The following VTI1A variants were observed in gnomAD, a reference collection of about 807,000 sequenced individuals.
VTI1A encodes the protein vesicle transport through interaction with t-SNAREs homolog 1A.
VTI1A carries 22 observed loss-of-function variants against 34.9 expected under a neutral mutation model. That is an observed-to-expected ratio of 0.63 (90% CI 0.45 to 0.90). The LOEUF is 0.90. Ranked by LOEUF, VTI1A falls within the 40% of genes least tolerant of loss-of-function variation. The pLI, the probability that VTI1A is intolerant of heterozygous loss-of-function variation, is 0.00. For missense variants in VTI1A, 268 were observed against 275.6 expected (o/e 0.97, Z 0.20); for synonymous variants, 87 against 97.3 (o/e 0.89, Z 0.62).
chr10:112,737,923 G>A, intron 7 of VTI1A: 1 of 1,062,376 alleles, frequency 9.4e-7, no homozygotes. Flanking sequence ...GAGGATGGAG[G>A]TATGTCCCCT....
intron 7 of VTI1A, among the ~76,000 whole-genome samples, chr10:112,796,813 T>C (rs1852692172): frequency 1.3e-5 from 2 of 152,362 alleles, no homozygotes; most frequent in Middle Eastern, 6.8e-3. Context: ...AGTGAATACA[T>C]TGATCCTTTT....
At chr10:112,638,765 C>T (rs1846457179) in intron 5 of VTI1A, among the ~76,000 whole-genome samples, 1 of 137,652 alleles carries the variant, frequency 7.3e-6, no homozygotes. Context: ...CTACAGAGAT[C>T]TAGAATACAG....
intron 7 of VTI1A, among the ~76,000 whole-genome samples, chr10:112,796,601 G>A (rs1453952567): frequency 3.3e-5 from 5 of 152,166 alleles, no homozygotes; most frequent in Non-Finnish European, 5.9e-5. Flanking sequence ...ACAAGCAGAG[G>A]CCACCATCTG....
At chr10:112,849,871 C>T in the VTI1A span, among the ~76,000 whole-genome samples, 1 of 152,120 alleles carries the variant, frequency 6.6e-6, no homozygotes, top group East Asian at 1.9e-4. Context: ...AAAAGGCAGC[C>T]CTGGCGAGGT....
In VTI1A at chr10:112,782,681, G is replaced by A. The variant is rs549646962; in HGVS notation, c.561-32609G>A. ...CTAAACTCCCTGCAGACTTCTCATC[G>A]GACACAGCATTCTTCATCTCTGCCC... On this transcript the variant is annotated intron_variant, in intron 7 of 7. Transcript: ENST00000393077. 9.2e-5 allele frequency among the ~76,000 whole-genome samples: 14 copies of A among 152,202 alleles called. No homozygotes were observed. The South Asian group carries it at 1.7e-3, about 18-fold the overall frequency.
chr10:112,610,228 G>A (rs1208139805), intron 5 of VTI1A, among the ~76,000 whole-genome samples: 4 of 149,636 alleles, frequency 2.7e-5, no homozygotes, highest in Non-Finnish European at 4.4e-5. Context: ...GGACCACACT[G>A]TGGCAAAGCC....
chr10:112,773,065 G>A (rs935387741), intron 7 of VTI1A, among the ~76,000 whole-genome samples: 6 of 152,146 alleles, frequency 3.9e-5, no homozygotes, highest in African/African-American at 1.2e-4. Context: ...ATTTATATAC[G>A]TCTCTTACCT....
chr10:112,535,473 G>A (rs773811379), intron 4 of VTI1A, among the ~76,000 whole-genome samples: 6 of 152,038 alleles, frequency 3.9e-5, no homozygotes, highest in South Asian at 2.1e-4. Flanking sequence ...GTTTTGTTTC[G>A]CTTGGAAACA....
chr10:112,620,814 G>GA (rs774588188), intron 5 of VTI1A, among the ~76,000 whole-genome samples: 41 of 151,122 alleles, frequency 2.7e-4, no homozygotes, highest in Admixed American at 6.6e-4. Flanking sequence ...GAAAAGAAAA[G>GA]AAAAAAGAAA....
intron 7 of VTI1A, among the ~76,000 whole-genome samples, chr10:112,703,967 T>G (rs1249232791): frequency 1.3e-5 from 2 of 152,250 alleles, no homozygotes; most frequent in African/African-American, 4.8e-5. Context: ...TTAGGTTTAT[T>G]AATGTATTTT....
chr10:112,829,717 G>A, the VTI1A span, among the ~76,000 whole-genome samples: 9 of 152,354 alleles, frequency 5.9e-5, 1 homozygote, highest in African/African-American at 2.2e-4. Context: ...TTGTGCCACT[G>A]CACTCCAGCC....
intron 7 of VTI1A, among the ~76,000 whole-genome samples, chr10:112,697,629 C>G (rs1431087556): frequency 1.3e-5 from 2 of 152,050 alleles, no homozygotes; most frequent in Non-Finnish European, 2.9e-5. Flanking sequence ...CTCCTGACCT[C>G]AGGTGATCCG....
chr10:112,735,771 C>A (rs1850428124), intron 7 of VTI1A, among the ~76,000 whole-genome samples: 1 of 152,094 alleles, frequency 6.6e-6, no homozygotes, highest in South Asian at 2.1e-4. Context: ...TCTTCCTCAA[C>A]TACTCAGGAA....
chr10:112,713,023 A>G (rs1174802413), intron 7 of VTI1A, among the ~76,000 whole-genome samples: 2 of 152,110 alleles, frequency 1.3e-5, no homozygotes, highest in African/African-American at 2.4e-5. Context: ...AGTTCCTGAT[A>G]TAGGACCCCG....
intron 7 of VTI1A, among the ~76,000 whole-genome samples, chr10:112,790,126 C>G (rs1852411925): frequency 6.6e-6 from 1 of 152,080 alleles, no homozygotes; most frequent in African/African-American, 2.4e-5. Flanking sequence ...TTCTTTTCCT[C>G]AAGTCTTATC....
At chr10:112,682,002 G>A (rs1848233113) in intron 7 of VTI1A, among the ~76,000 whole-genome samples, 1 of 152,078 alleles carries the variant, frequency 6.6e-6, no homozygotes, top group Non-Finnish European at 1.5e-5. Context: ...ATAAAGAAAA[G>A]CATTCATTTT....
At chr10:112,676,623 A>G (rs1848039759) in intron 7 of VTI1A, among the ~76,000 whole-genome samples, 1 of 152,058 alleles carries the variant, frequency 6.6e-6, no homozygotes, top group Admixed American at 6.6e-5. Context: ...GTATGTCCCT[A>G]CTAGTGGTAA....
At chr10:112,487,218 G>T (rs374483408) in intron 3 of VTI1A, among the ~76,000 whole-genome samples, 1 of 152,010 alleles carries the variant, frequency 6.6e-6, no homozygotes, top group African/African-American at 2.4e-5. Flanking sequence ...CCATCTCCCC[G>T]GTTCGAGTGA....
At chr10:112,451,119 C>G (rs947821287) in intron 1 of VTI1A, among the ~76,000 whole-genome samples, 1 of 152,180 alleles carries the variant, frequency 6.6e-6, no homozygotes, top group Non-Finnish European at 1.5e-5. Context: ...CAAAATGATT[C>G]AGATTCAGAC....
Sources: gnomAD v4.1 joint callset for allele counts (sites outside exome capture counted in the v4.1 genomes callset) on GRCh38, gnomAD v4.1.1 for gene constraint, MANE v1.5 for transcripts, NCBI Gene and HGNC (gene_info 2026-07-23, HGNC 2026-07-21) for gene names.